Variants in BPTF observed in about 807,000 individuals in gnomAD.
The protein encoded by BPTF is bromodomain PHD finger transcription factor.
A neutral mutation model predicts 292.5 loss-of-function variants in BPTF; 18 were observed. The observed-to-expected ratio is 0.06, with a 90% CI of 0.04 to 0.09. The LOEUF is 0.09. Among genes scored for constraint, BPTF ranks in the 10% least tolerant of loss-of-function variants. The pLI is 1.00. For synonymous variants in BPTF, 1,225 were observed against 1,251.9 expected, an observed-to-expected ratio of 0.98 and a Z score of 0.45; for missense variants, 2,726 against 3,498.7, an observed-to-expected ratio of 0.78 and a Z score of 5.57.
In BPTF at chr17:67,825,834, G is replaced by A; in HGVS notation, c.110G>A (p.Gly37Glu). The change falls in exon 1 of 28, where the codon GGG becomes GAG. Residue 37 changes from glycine (G) to glutamate (E), a missense_variant. By Grantham distance (98) the Gly-to-Glu change is moderately conservative. Transcript: ENST00000306378. The part of the protein sequence containing the change: ...PPPPPTSGPI[G>E]GLRSRHRGSS... The stretch of plus-strand genomic sequence containing the variant: ...CCGCCGCCCACGTCCGGACCCATCG[G>A]GGGGCTCCGCTCGCGGCACCGCGGC... 7.9e-6 allele frequency: 8 copies of A among 1,017,710 alleles called. No individual in the cohort carries two copies. Among genetic ancestry groups the A allele is most frequent in the Non-Finnish European group, 9.4e-6 (8 of 852,970 alleles). 63.0% of individuals were successfully genotyped at this position (1,017,710 alleles called of 1,614,324 possible). A position where few individuals can be genotyped will look rare whatever the true frequency, so the allele number is the denominator to read the frequency against.
chr17:67,910,812 A>G, intron 10 of BPTF, 65 bp from the exon 11 acceptor site: 1 of 1,143,642 alleles, frequency 8.7e-7, no homozygotes, highest in Non-Finnish European at 1.1e-6. Context: ...AAAAAAAAAT[A>G]TATATATATA....
At chr17:67,851,883 CT>C (rs1598245872) in intron 1 of BPTF, among the ~76,000 whole-genome samples, 1 of 148,764 alleles carries the variant, frequency 6.7e-6, no homozygotes, top group East Asian at 2.0e-4. Context: ...TGTGGTTTTA[CT>C]TTGCCTTTCC....
At chr17:67,850,961 CAA>C (rs925407685) in intron 1 of BPTF, among the ~76,000 whole-genome samples, 7 of 152,070 alleles carry the variant, frequency 4.6e-5, no homozygotes, top group African/African-American at 1.7e-4. Flanking sequence ...ATATAATAAA[CAA>C]ATGATATAAT....
At position 67,894,091 on chromosome 17, in the gene BPTF, T is replaced by G. The variant is rs369797404; in HGVS notation, c.2469T>G (p.Ala823=). 2.8e-5 allele frequency: 45 copies of G among 1,613,996 alleles called. No homozygotes were observed. The highest frequency in any genetic ancestry group is 3.3e-4 in the Middle Eastern group (2 of 6,078). Reference sequence around the variant, plus strand: ...GCAAACCCAGAGAATTTGCATTGGCTTTAGCCATTTTGGAGTGTGCAGTTA... The same window carrying G: ...GCAAACCCAGAGAATTTGCATTGGCGTTAGCCATTTTGGAGTGTGCAGTTA... ...MCSKPREFAL[A]LAILECAVKP... The change falls in exon 7 of 28, where the codon GCT becomes GCG. Residue 823 remains alanine, a synonymous_variant. Coordinates refer to ENST00000306378, the MANE Select transcript of BPTF (RefSeq NM_182641.4).
intron 3 of BPTF, 131 bp downstream of exon 3, chr17:67,866,818 ATTC>A: frequency 1.5e-6 from 1 of 671,694 alleles, no homozygotes; most frequent in Admixed American, 2.9e-5. Flanking sequence ...ATGGGGATAC[ATTC>A]TGAAAAATGT....
intron 2 of BPTF, among the ~76,000 whole-genome samples, chr17:67,863,494 C>T (rs1054181923): frequency 1.3e-5 from 2 of 152,164 alleles, no homozygotes; most frequent in Non-Finnish European, 2.9e-5. Flanking sequence ...CCATGTTGGC[C>T]AGGATGGTCT....
chr17:67,904,160 C>G (rs1434822792), intron 8 of BPTF, among the ~76,000 whole-genome samples: 1 of 152,188 alleles, frequency 6.6e-6, no homozygotes, highest in Non-Finnish European at 1.5e-5. Flanking sequence ...TCCCAAGTAG[C>G]TGGGATTATA....
intron 13 of BPTF, among the ~76,000 whole-genome samples, chr17:67,922,597 GC>G (rs1299419048): frequency 6.6e-6 from 1 of 152,124 alleles, no homozygotes; most frequent in Non-Finnish European, 1.5e-5. Flanking sequence ...GCAAACCACA[GC>G]CCATGAGCCT....
intron 13 of BPTF, among the ~76,000 whole-genome samples, chr17:67,920,797 G>A (rs1407091580): frequency 6.6e-6 from 1 of 152,088 alleles, no homozygotes; most frequent in Non-Finnish European, 1.5e-5. Flanking sequence ...GAAAATTCAT[G>A]AGAATTAAAA....
At chr17:67,909,341 G>A (rs2146854217) in intron 9 of BPTF, among the ~76,000 whole-genome samples, 1 of 129,564 alleles carries the variant, frequency 7.7e-6, no homozygotes, top group South Asian at 2.4e-4. Context: ...CACCAAAAAT[G>A]TTCACAAAGT....
In BPTF at chr17:67,883,437, T is replaced by TAG. The variant is rs1359791734; in HGVS notation, c.1865-8404_1865-8403dup. The stretch of plus-strand genomic sequence containing the variant: ...AATAACTTTTAATTTTTTGAAAATG[T>TAG]AGAGCATTTACATTATTATAAATTG... On this transcript the variant is annotated intron_variant, in intron 4 of 27. Transcript: ENST00000306378. Among the ~76,000 whole-genome samples the TAG allele has an allele frequency of 9.3e-5, 14 of 150,618 alleles. No individual in the cohort carries two copies. In the Admixed American group the frequency reaches 9.4e-4, roughly 10 times the overall value.
chr17:67,857,334 G>A (rs1441434146), intron 2 of BPTF, among the ~76,000 whole-genome samples: 2 of 151,140 alleles, frequency 1.3e-5, no homozygotes, highest in African/African-American at 4.9e-5. Context: ...TTAATTTTTT[G>A]TATTTTTAGT....
intron 14 of BPTF, among the ~76,000 whole-genome samples, chr17:67,923,642 G>A (rs1444079880): frequency 6.6e-6 from 1 of 151,050 alleles, no homozygotes; most frequent in Admixed American, 6.6e-5. Context: ...ACCATGCCCG[G>A]CTGATTTTTG....
intron 1 of BPTF, among the ~76,000 whole-genome samples, chr17:67,842,051 A>G (rs1220991795): frequency 1.3e-5 from 2 of 152,166 alleles, no homozygotes; most frequent in Non-Finnish European, 2.9e-5. Flanking sequence ...AATAAAACGT[A>G]AAAGTATTGC....
intron 7 of BPTF, among the ~76,000 whole-genome samples, chr17:67,898,662 T>A (rs1351619304): frequency 1.2e-4 from 10 of 86,560 alleles, no homozygotes; most frequent in Non-Finnish European, 1.7e-4. Flanking sequence ...ATATGAAGTC[T>A]TTTTTTTTTT....
At chr17:67,963,282 T>C in intron 24 of BPTF, 2 of 1,478,136 alleles carry the variant, frequency 1.4e-6, no homozygotes, top group Non-Finnish European at 1.8e-6. Context: ...TTAAGTACCA[T>C]GCAGCTCAAA....
rs2067816341 is a variant in BPTF, at chr17:67,964,499, T to C, written c.8454+95T>C. Reference sequence around the variant, plus strand: ...TTTCAAGTTTCCAATCTTAGAATGATTATTTACTGACTCCCAGCTAGTCTA... The same window carrying C: ...TTTCAAGTTTCCAATCTTAGAATGACTATTTACTGACTCCCAGCTAGTCTA... On this transcript the variant is annotated intron_variant, in intron 25 of 27. Coordinates refer to ENST00000306378, the MANE Select transcript of BPTF (RefSeq NM_182641.4). 9 of 1,377,816 alleles carry C rather than the reference T, an allele frequency of 6.5e-6. No homozygotes were observed. The South Asian group carries it at 1.0e-4, about 15-fold the overall frequency. 85.3% of individuals were successfully genotyped at this position (1,377,816 alleles called of 1,614,324 possible).
chr17:67,958,674 T>G (rs187527915), intron 23 of BPTF, among the ~76,000 whole-genome samples: 13 of 142,586 alleles, frequency 9.1e-5, no homozygotes, highest in Non-Finnish European at 1.4e-4. Flanking sequence ...GAGGTTGGAG[T>G]GCGCTGAGAT....
chr17:67,962,360 G>A (rs1239475124), intron 24 of BPTF, among the ~76,000 whole-genome samples: 4 of 152,156 alleles, frequency 2.6e-5, no homozygotes, highest in Non-Finnish European at 4.4e-5. Flanking sequence ...CTTTGACATG[G>A]TGTTCCTACA....
Sources: gnomAD v4.1 joint callset for allele counts (sites outside exome capture counted in the v4.1 genomes callset) on GRCh38, gnomAD v4.1.1 for gene constraint, MANE v1.5 for transcripts, NCBI Gene and HGNC (gene_info 2026-07-23, HGNC 2026-07-21) for gene names.